The following OR4M1 variants were observed in gnomAD, a reference collection of about 807,000 sequenced individuals.
OR4M1 encodes olfactory receptor family 4 subfamily M member 1, also known as olfactory receptor 4M1.
In OR4M1, 7 loss-of-function variants were observed where a neutral mutation model predicts 9.8. The observed-to-expected ratio is 0.71, with a 90% CI of 0.41 to 1.34. The LOEUF is 1.34. Ranked by LOEUF, OR4M1 falls within the 40% of genes most tolerant of loss-of-function variation. OR4M1 has a pLI of 0.01. For missense variants in OR4M1, 331 were observed against 380.4 expected, an observed-to-expected ratio of 0.87 and a Z score of 1.08; for synonymous variants, 121 against 139.8, an observed-to-expected ratio of 0.87 and a Z score of 0.95.
chr14:19,773,518 A>C lies in OR4M1; in HGVS notation c.-105A>C, dbSNP rs2138425485. The C allele has an allele frequency of 6.6e-6, 1 of 152,480 alleles. No homozygotes were observed. The highest frequency in any genetic ancestry group is 2.1e-4 in the South Asian group (1 of 4,826). The allele number at this position is 152,480 out of a possible 1,614,324, so 9.4% of individuals were successfully genotyped here. A position where few individuals can be genotyped will look rare whatever the true frequency, so the allele number is the denominator to read the frequency against. ...CAACATGTAGAGGATAAAGTCCTCC[A>C]CTGTGGGTGGTGGAAGAGGCTTCTT... is the stretch of plus-strand genomic sequence containing the variant. On this transcript the variant is annotated 5_prime_UTR_variant, in exon 1 of 2. Coordinates refer to ENST00000641200, the MANE Select transcript of OR4M1 (RefSeq NM_001005500.2).
intron 1 of OR4M1, among the ~76,000 whole-genome samples, chr14:19,779,746 A>T (rs1248516813): frequency 6.6e-6 from 1 of 152,262 alleles, no homozygotes; most frequent in Non-Finnish European, 1.5e-5. Flanking sequence ...ATTAAGCTAT[A>T]CAGGTTTTGG....
rs748504791 is a variant in OR4M1, at chr14:19,780,980, T to C, written c.658T>C (p.Phe220Leu). Reference protein sequence around the residue: ...CFIALLMSYAFLLALLKKHSG... With the variant: ...CFIALLMSYALLLALLKKHSG... Reference sequence around the variant, plus strand: ...CATTGCTCTGTTAATGTCCTATGCCTTCCTTCTGGCCTTGCTCAAGAAACA... The same window carrying C: ...CATTGCTCTGTTAATGTCCTATGCCCTCCTTCTGGCCTTGCTCAAGAAACA... Residue 220 changes from phenylalanine (F) to leucine (L), a missense_variant, in exon 2 of 2, where the codon TTC (phenylalanine) becomes CTC (leucine). Physicochemically the swap from Phe to Leu is conservative, Grantham distance 22. Coordinates refer to ENST00000641200, the MANE Select transcript of OR4M1 (RefSeq NM_001005500.2). The C allele has an allele frequency of 6.2e-7, 1 of 1,614,122 alleles. No homozygotes were observed. Among genetic ancestry groups the C allele is most frequent in the Non-Finnish European group, 8.5e-7 (1 of 1,180,034 alleles).
intron 1 of OR4M1, among the ~76,000 whole-genome samples, chr14:19,777,177 A>C (rs1370008245): frequency 6.6e-6 from 1 of 151,538 alleles, no homozygotes; most frequent in Non-Finnish European, 1.5e-5. Context: ...ATATTGAAAG[A>C]AAATTGGAAA....
intron 1 of OR4M1, among the ~76,000 whole-genome samples, chr14:19,777,007 CATATATATATAT>C (rs71431978): frequency 0.012 from 553 of 45,918 alleles, 12 homozygotes; most frequent in East Asian, 0.098. Context: ...TTGTTTAAGC[CATATATATATAT>C]ATATATATAT....
At chr14:19,780,246 C>G in intron 1 of OR4M1, 48 bp from the exon 2 acceptor site, 1 of 1,421,120 alleles carries the variant, frequency 7.0e-7, no homozygotes. Context: ...TGATATAACT[C>G]TAGATAAATG....
At position 19,777,040 on chromosome 14, in the gene OR4M1, ATATATATATT is replaced by A. The variant is rs1305128852; in HGVS notation, c.-29-3253_-29-3244del. ...TATATATATATATATATATATATAT[ATATATATATT>A]GTTTGTTTGTTTTTCCTGTAATGTT... On this transcript the variant is annotated intron_variant, in intron 1 of 1. Coordinates refer to ENST00000641200, the MANE Select transcript of OR4M1 (RefSeq NM_001005500.2). 1.6e-3 allele frequency among the ~76,000 whole-genome samples: 195 copies of A among 121,816 alleles called. 1 individual carries two copies. The highest frequency in any genetic ancestry group is 8.5e-3 in the East Asian group (34 of 3,998). 79.9% of individuals were successfully genotyped at this position (121,816 alleles called of 152,430 possible).
chr14:19,780,975 A>G lies in OR4M1; in HGVS notation c.653A>G (p.Tyr218Cys), dbSNP rs747060934. 3.7e-6 allele frequency: 6 copies of G among 1,614,056 alleles called. No individual in the cohort carries two copies. The African/African-American group carries it at 5.3e-5, about 14-fold the overall frequency. Residue 218 changes from tyrosine (Y) to cysteine (C), a missense_variant, in exon 2 of 2, where the codon TAT becomes TGT. Transcript: ENST00000641200. ...VVCFIALLMS[Y>C]AFLLALLKKH... ...TGTTTCATTGCTCTGTTAATGTCCTATGCCTTCCTTCTGGCCTTGCTCAAG... is the reference window on the plus strand; with the variant it reads ...TGTTTCATTGCTCTGTTAATGTCCTGTGCCTTCCTTCTGGCCTTGCTCAAG...
rs200451935 is a variant in OR4M1 at position 19,781,266 on chromosome 14, A to C, written c.*2A>C. The C allele has an allele frequency of 1.3e-6, 2 of 1,597,348 alleles. No individual in the cohort carries two copies. The highest frequency in any genetic ancestry group is 1.7e-5 in the Admixed American group (1 of 58,804). On this transcript the variant is annotated 3_prime_UTR_variant, in exon 2 of 2. Transcript: ENST00000641200. Reference sequence around the variant, plus strand: ...TATATTTTGTGTGAAGAGAAGTGAAAGATAAATTATACATTTTATAGTCCT... The same window carrying C: ...TATATTTTGTGTGAAGAGAAGTGAACGATAAATTATACATTTTATAGTCCT...
intron 1 of OR4M1, among the ~76,000 whole-genome samples, chr14:19,776,393 C>T (rs1394251052): frequency 6.6e-6 from 1 of 152,224 alleles, no homozygotes; most frequent in East Asian, 1.9e-4. Context: ...AGTTCACTCA[C>T]CTACAGAGAA....
intron 1 of OR4M1, among the ~76,000 whole-genome samples, chr14:19,775,239 G>A (rs1342750927): frequency 6.6e-6 from 1 of 152,186 alleles, no homozygotes; most frequent in Non-Finnish European, 1.5e-5. Context: ...AAGCACAATT[G>A]TGCATGTGCA....
rs1258408991 is a variant in OR4M1, at chr14:19,782,338, T to C, written c.*1074T>C. On this transcript the variant is annotated 3_prime_UTR_variant, in exon 2 of 2. Coordinates refer to ENST00000641200, the MANE Select transcript of OR4M1 (RefSeq NM_001005500.2). The stretch of plus-strand genomic sequence containing the variant: ...AAGAGGTAGATTAGAACATTTGATT[T>C]TATAGGTTATGTTTTTTACTTAAAT... The C allele has an allele frequency of 6.6e-6, 1 of 152,260 alleles. No individual in the cohort carries two copies. The highest frequency in any genetic ancestry group is 2.4e-5 in the African/African-American group (1 of 41,458). The allele number at this position is 152,260 out of a possible 1,614,324, so 9.4% of individuals were successfully genotyped here.
intron 1 of OR4M1, among the ~76,000 whole-genome samples, chr14:19,775,999 A>C (rs1878299803): frequency 6.6e-6 from 1 of 152,032 alleles, no homozygotes; most frequent in Admixed American, 6.6e-5. Flanking sequence ...TATTTATGAC[A>C]CTCGAGGTCC....
At chr14:19,780,191 T>G (rs1878426199) in intron 1 of OR4M1, 103 bp from the exon 2 acceptor site, 1 of 1,029,640 alleles carries the variant, frequency 9.7e-7, no homozygotes, top group South Asian at 1.7e-5. Context: ...TGTATCCTCA[T>G]GTAATCTGTT....
chr14:19,780,804 C>A lies in OR4M1; in HGVS notation c.482C>A (p.Ala161Asp), dbSNP rs1468933884. The change falls in exon 2 of 2, where the codon GCT (alanine) becomes GAT (aspartate). Residue 161 changes from alanine to aspartate, a missense_variant. This residue lies in a region of OR4M1 where 209 missense variants were observed against 200.0 expected (regional missense o/e 1.04). Coordinates refer to ENST00000641200, the MANE Select transcript of OR4M1 (RefSeq NM_001005500.2). ...TTCATTCATTCTATAATACAGGTGG[C>A]TCTCATTGTTCGACTTCCTTTCTGT... Reference protein sequence around the residue: ...GGFIHSIIQVALIVRLPFCGP... With the variant: ...GGFIHSIIQVDLIVRLPFCGP... 2 of 1,614,226 alleles carry A rather than the reference C, an allele frequency of 1.2e-6. No homozygotes were observed. The highest frequency in any genetic ancestry group is 1.1e-5 in the South Asian group (1 of 91,086).
chr14:19,776,574 G>C (rs1206437044), intron 1 of OR4M1, among the ~76,000 whole-genome samples: 2 of 152,196 alleles, frequency 1.3e-5, no homozygotes, highest in Non-Finnish European at 2.9e-5. Flanking sequence ...CCAACCACTG[G>C]TCTAAGAGTA....
chr14:19,776,101 A>G (rs1039358013), intron 1 of OR4M1, among the ~76,000 whole-genome samples: 1 of 152,196 alleles, frequency 6.6e-6, no homozygotes, highest in Non-Finnish European at 1.5e-5. Flanking sequence ...ATATCCTAAA[A>G]ATAGGAAAAT....
intron 1 of OR4M1, among the ~76,000 whole-genome samples, chr14:19,776,333 G>A (rs1430485754): frequency 6.6e-6 from 1 of 152,200 alleles, no homozygotes; most frequent in African/African-American, 2.4e-5. Context: ...TCAACATCAC[G>A]CAGATTCTTG....
Position 19,780,436 on chromosome 14 carries a change from C to T in OR4M1, c.114C>T (p.Ile38=), listed in dbSNP as rs146916137. The part of the protein sequence containing the change: ...FVIFLSFYLF[I]LPGNILIICT... ...TATTTCTATCCTTCTATTTGTTCAT[C>T]CTACCAGGAAATATCCTTATCATTT... The change falls in exon 2 of 2, where the codon ATC becomes ATT. Residue 38 remains isoleucine, a synonymous_variant. Transcript: ENST00000641200. 1,269 of 1,613,594 alleles carry T rather than the reference C, an allele frequency of 7.9e-4. No homozygotes were observed. The East Asian group carries it at 0.027, about 35-fold the overall frequency.
chr14:19,780,204 T>G (rs1373774765), intron 1 of OR4M1, 90 bp from the exon 2 acceptor site: 12 of 1,148,258 alleles, frequency 1.0e-5, no homozygotes, highest in African/African-American at 1.6e-5. Context: ...AATCTGTTAG[T>G]GACAGAAAAC....
Sources: gnomAD v4.1 joint callset for allele counts (sites outside exome capture counted in the v4.1 genomes callset) on GRCh38, gnomAD v4.1.1 for gene constraint, gnomAD v4.1.1 regional missense constraint, MANE v1.5 for transcripts, NCBI Gene and HGNC (gene_info 2026-07-23, HGNC 2026-07-21) for gene names.